The following LYST variants were observed in gnomAD, a reference collection of about 807,000 sequenced individuals.
LYST encodes the protein lysosomal trafficking regulator.
A neutral mutation model predicts 413.6 loss-of-function variants in LYST; 192 were observed. The ratio of observed to expected loss-of-function variants is 0.46; its 90% CI spans 0.41 to 0.52. The LOEUF (loss-of-function observed/expected upper bound fraction) is 0.52, where lower values mean the gene tolerates loss of function less well. Among genes scored for constraint, LYST ranks in the 20% least tolerant of loss-of-function variants. LYST has a pLI of 0.00. For synonymous variants in LYST, 1,525 were observed against 1,567.3 expected, an observed-to-expected ratio of 0.97 and a Z score of 0.64; for missense variants, 3,815 against 4,499.9, an observed-to-expected ratio of 0.85 and a Z score of 4.35.
At position 235,806,501 on chromosome 1, in the gene LYST, T is replaced by C. The variant is rs1248248641; in HGVS notation, c.2635A>G (p.Lys879Glu). 2.5e-6 allele frequency: 4 copies of C among 1,613,992 alleles called. No individual in the cohort carries two copies. The East Asian group carries it at 8.9e-5, about 36-fold the overall frequency. ...TTCCGTCTCTTTGGATAAGCTTCTT[T>C]GAGGCCAGCATAAAATTTGCTGAGA... Reference protein sequence around the residue: ...QSLSKFYAGLKEAYPKRRKTV... With the variant: ...QSLSKFYAGLEEAYPKRRKTV... The change falls in exon 6 of 53, where the codon AAA becomes GAA. Residue 879 changes from lysine to glutamate, a missense_variant. By Grantham distance (56) the Lys-to-Glu change is moderately conservative. This residue lies in a region of LYST where 1,648 missense variants were observed against 1,810.3 expected (regional missense o/e 0.91). Transcript: ENST00000389793.
At chr1:235,765,960 C>T (rs1050797448) in intron 21 of LYST, 119 bp downstream of exon 21, 3 of 841,008 alleles carry the variant, frequency 3.6e-6, no homozygotes, top group Non-Finnish European at 6.2e-6. Flanking sequence ...CTATCCCAAC[C>T]CCAATATGTA....
At chr1:235,771,072 T>C (rs1033331634) in intron 19 of LYST, among the ~76,000 whole-genome samples, 1 of 152,186 alleles carries the variant, frequency 6.6e-6, no homozygotes, top group Non-Finnish European at 1.5e-5. Context: ...CTGGCAATAA[T>C]GAACCAAGAT....
In LYST at chr1:235,810,113, A is replaced by G; in HGVS notation, c.705T>C (p.Thr235=). ...REIIPRQGSN[T]DILSEPAALS... is the part of the protein sequence containing the mutation. The stretch of plus-strand genomic sequence containing the variant: ...AGGCAGCTGGCTCACTTAAAATGTC[A>G]GTGTTTGACCCCTGTCTTGGAATAA... The change falls in exon 5 of 53, where the codon ACT becomes ACC. Residue 235 remains threonine, a synonymous_variant. Transcript: ENST00000389793. The G allele has an allele frequency of 6.2e-7, 1 of 1,614,122 alleles. No individual in the cohort carries two copies. Among genetic ancestry groups the G allele is most frequent in the Non-Finnish European group, 8.5e-7 (1 of 1,179,984 alleles).
chr1:235,661,419 T>C lies in LYST; in HGVS notation c.*1521A>G, dbSNP rs1227107787. The stretch of plus-strand genomic sequence containing the variant: ...ACAAAGCAAATCACTTCAACGTGAA[T>C]AGGAGTAATCTCATCTCTGCACCTC... On this transcript the variant is annotated 3_prime_UTR_variant, in exon 53 of 53. Coordinates refer to ENST00000389793, the MANE Select transcript of LYST (RefSeq NM_000081.4). 1 of 152,338 alleles carries C rather than the reference T, an allele frequency of 6.6e-6. No individual in the cohort carries two copies. The highest frequency in any genetic ancestry group is 2.4e-5 in the African/African-American group (1 of 41,432). 9.4% of individuals were successfully genotyped at this position (152,338 alleles called of 1,614,324 possible). A position where few individuals can be genotyped will look rare whatever the true frequency, so the allele number is the denominator to read the frequency against.
chr1:235,677,567 T>G lies in LYST; in HGVS notation c.10853A>C (p.Glu3618Ala). 6.2e-7 allele frequency: 1 copy of G among 1,612,814 alleles called. No individual in the cohort carries two copies. The highest frequency in any genetic ancestry group is 8.5e-7 in the Non-Finnish European group (1 of 1,178,914). The part of the protein sequence containing the change: ...TQIHLYGHTE[E>A]ITSLFVCKPY... The stretch of plus-strand genomic sequence containing the variant: ...TTTGCAAACAAATAAGCTGGTTATC[T>G]CTTCTGTGTGACCATAGAGATGTAT... The change falls in exon 49 of 53, where the codon GAG (glutamate) becomes GCG (alanine). Residue 3618 changes from glutamate to alanine, a missense_variant. Around this residue, in one of 4 missense-constraint regions of LYST, gnomAD observed 866 missense variants for 1,156.0 expected, o/e 0.75. Coordinates refer to ENST00000389793, the MANE Select transcript of LYST (RefSeq NM_000081.4).
intron 36 of LYST, among the ~76,000 whole-genome samples, 156 bp from the exon 37 acceptor site, chr1:235,729,813 G>T (rs1459216343): frequency 6.6e-6 from 1 of 152,080 alleles, no homozygotes; most frequent in African/African-American, 2.4e-5. Context: ...GAAAATATTA[G>T]CTCCTTTTTA....
chr1:235,748,292 G>T (rs1111039), intron 28 of LYST, among the ~76,000 whole-genome samples: 69,614 of 151,836 alleles, frequency 0.46, 17,809 homozygotes, highest in African/African-American at 0.68. Context: ...TGCATTAAGG[G>T]TGATGTGTAA....
At chr1:235,868,693 TTTTTA>T (rs750848002), upstream of LYST, among the ~76,000 whole-genome samples, 1 of 152,052 alleles carries the variant, frequency 6.6e-6, no homozygotes, top group East Asian at 1.9e-4. Flanking sequence ...GTACCAGTGT[TTTTTA>T]TTTTATTTTA....
chr1:235,876,450 A>G (rs1186518152), intron 1 of LYST, among the ~76,000 whole-genome samples: 3 of 152,238 alleles, frequency 2.0e-5, no homozygotes, highest in Non-Finnish European at 4.4e-5. Flanking sequence ...CCAAGTAACC[A>G]AGGTAGTAGT....
At chr1:235,875,014 A>G (rs913260962) in intron 1 of LYST, among the ~76,000 whole-genome samples, 1 of 152,236 alleles carries the variant, frequency 6.6e-6, no homozygotes, top group African/African-American at 2.4e-5. Context: ...CATGCCCCAG[A>G]CTTACTGAGT....
intron 43 of LYST, 99 bp from the exon 44 acceptor site, chr1:235,709,407 T>C (rs1386403166): frequency 2.2e-6 from 2 of 928,560 alleles, no homozygotes; most frequent in African/African-American, 1.7e-5. Context: ...GCTGTTTGTG[T>C]GCTACAACCA....
In LYST at chr1:235,686,891, G is replaced by A. The variant is rs932398948; in HGVS notation, c.10800+58C>T. ...GCAAAGTGAATTATACTTCATAAAGGCTTTCTTCCCCTCATTGACAAAGTC... is the reference window on the plus strand; with the variant it reads ...GCAAAGTGAATTATACTTCATAAAGACTTTCTTCCCCTCATTGACAAAGTC... On this transcript the variant is annotated intron_variant, in intron 48 of 52. Coordinates refer to ENST00000389793, the MANE Select transcript of LYST (RefSeq NM_000081.4). The surrounding 1 kb of genome is among the most constrained non-coding windows in gnomAD (Gnocchi z 4.0). The A allele has an allele frequency of 4.9e-6, 6 of 1,213,440 alleles. No individual in the cohort carries two copies. The Admixed American group carries it at 1.0e-4, about 20-fold the overall frequency. 75.2% of individuals were successfully genotyped at this position (1,213,440 alleles called of 1,614,324 possible).
At chr1:235,802,638 G>A (rs976126735) in intron 8 of LYST, among the ~76,000 whole-genome samples, 1 of 152,054 alleles carries the variant, frequency 6.6e-6, no homozygotes. Flanking sequence ...GGTATTTATT[G>A]TCTTTCACAC....
At chr1:235,834,665 C>A (rs1048030548) in intron 1 of LYST, among the ~76,000 whole-genome samples, 5 of 152,214 alleles carry the variant, frequency 3.3e-5, no homozygotes, top group African/African-American at 1.2e-4. Context: ...AGGCAGAAAA[C>A]AGCTGTGTTA....
chr1:235,849,237 C>T (rs1031131879), intron 1 of LYST, among the ~76,000 whole-genome samples: 5 of 152,080 alleles, frequency 3.3e-5, no homozygotes, highest in African/African-American at 1.2e-4. Context: ...AAATGTGATA[C>T]ACCACATAAA....
chr1:235,851,421 G>A (rs1247953707), intron 1 of LYST, among the ~76,000 whole-genome samples: 4 of 151,606 alleles, frequency 2.6e-5, no homozygotes, highest in African/African-American at 7.3e-5. Flanking sequence ...GGAGGGGGGC[G>A]AGGGATTAAA....
chr1:235,761,664 A>T (rs1330397885), intron 22 of LYST, among the ~76,000 whole-genome samples: 1 of 152,108 alleles, frequency 6.6e-6, no homozygotes. Context: ...GGGGACAAGG[A>T]AACTGAGATA....
At chr1:235,851,473 G>C (rs1388396977) in intron 1 of LYST, among the ~76,000 whole-genome samples, 1 of 151,712 alleles carries the variant, frequency 6.6e-6, no homozygotes, top group Non-Finnish European at 1.5e-5. Context: ...TGGGTGATAG[G>C]TACACCAAAA....
chr1:235,691,840 G>A (rs115430903), intron 47 of LYST, among the ~76,000 whole-genome samples: 3,663 of 151,614 alleles, frequency 0.024, 144 homozygotes, highest in African/African-American at 0.084. Flanking sequence ...GGGATTTACA[G>A]GTGCCCACCA....
Sources: allele counts gnomAD v4.1 joint callset (sites outside exome capture counted in the v4.1 genomes callset), GRCh38; gene constraint gnomAD v4.1.1; regional missense constraint gnomAD v4.1.1; non-coding constraint Gnocchi (gnomAD v3.1); transcripts MANE v1.5; gene names NCBI Gene and HGNC (gene_info 2026-07-23, HGNC 2026-07-21).